Variants in LARP1B observed in about 807,000 individuals in gnomAD.
LARP1B encodes La ribonucleoprotein 1B.
Under a neutral mutation model 114.2 loss-of-function variants are expected in LARP1B, and 76 were observed. The ratio of observed to expected loss-of-function variants is 0.67; its 90% confidence interval spans 0.55 to 0.81. LARP1B has a LOEUF of 0.81. Among genes scored for constraint, LARP1B ranks in the 30% least tolerant of loss-of-function variants. The probability of loss-of-function intolerance (pLI) is 0.00; values close to 1 mark genes in which losing one functional copy is unlikely to be tolerated. For synonymous variants in LARP1B, 345 were observed against 348.0 expected (o/e 0.99, Z 0.10); for missense variants, 1,014 against 1,075.8 (o/e 0.94, Z 0.80).
chr4:128,122,332 A>G, intron 11 of LARP1B, 144 bp downstream of exon 11: 2 of 1,468,358 alleles, frequency 1.4e-6, no homozygotes, highest in Non-Finnish European at 9.0e-7. Context: ...TCCTGGAAAT[A>G]TACCTGATAA....
chr4:128,177,933 G>A (rs1205517681), intron 13 of LARP1B, among the ~76,000 whole-genome samples: 1 of 151,724 alleles, frequency 6.6e-6, no homozygotes, highest in Admixed American at 6.6e-5. Context: ...ATCTGCAGGA[G>A]AATGGATAAA....
intron 7 of LARP1B, among the ~76,000 whole-genome samples, chr4:128,221,076 A>AT (rs998519644): frequency 3.8e-4 from 57 of 151,156 alleles, no homozygotes; most frequent in Middle Eastern, 6.9e-3. Flanking sequence ...TTAAGACTGC[A>AT]TTTTTTTTTG....
intron 11 of LARP1B, among the ~76,000 whole-genome samples, chr4:128,149,142 G>GT (rs1398440935): frequency 3.3e-5 from 5 of 152,158 alleles, no homozygotes; most frequent in Non-Finnish European, 7.3e-5. Context: ...CATTCATTGA[G>GT]TAGAATAGCA....
Position 128,114,743 on chromosome 4 carries a change from G to T in LARP1B, c.1161+1G>T, listed in dbSNP as rs994902410. ...TCAGCCAGCCCCAGTGAAATTGAGG[G>T]TAAGTTGTTACAGACTGAGTGAAGT... On this transcript the variant is annotated splice_donor_variant, in intron 10 of 19. Coordinates refer to ENST00000326639, the MANE Select transcript of LARP1B (RefSeq NM_018078.4). LOFTEE classifies it high-confidence loss of function. The T allele has an allele frequency of 2.5e-6, 4 of 1,613,672 alleles. No individual in the cohort carries two copies. The highest frequency in any genetic ancestry group is 3.4e-6 in the Non-Finnish European group (4 of 1,179,836).
chr4:128,195,728 G>T (rs1753838770), intron 15 of LARP1B, among the ~76,000 whole-genome samples: 1 of 152,112 alleles, frequency 6.6e-6, no homozygotes, highest in African/African-American at 2.4e-5. Context: ...TCTGAAATCG[G>T]CAACCTAGCT....
chr4:128,096,372 G>T (rs150710637), intron 7 of LARP1B, among the ~76,000 whole-genome samples: 2 of 152,136 alleles, frequency 1.3e-5, no homozygotes, highest in Non-Finnish European at 2.9e-5. Context: ...TTTCTCAAAG[G>T]CTATTATTAA....
At position 128,071,981 on chromosome 4, in the gene LARP1B, T is replaced by G. The variant is rs571000183; in HGVS notation, c.-77-2479T>G. ...AGGTCCCAGGGTTTAAGGATAACGT[T>G]TTATTATTTATTTATTTTTACTTTA... On this transcript the variant is annotated intron_variant, in intron 1 of 19. Transcript: ENST00000326639. 3.6e-5 allele frequency among the ~76,000 whole-genome samples: 5 copies of G among 137,014 alleles called. No homozygotes were observed. In the East Asian group the frequency reaches 1.0e-3, roughly 28 times the overall value. The allele number at this position is 137,014 out of a possible 152,430, so 89.9% of individuals were successfully genotyped here. A position where few individuals can be genotyped will look rare whatever the true frequency, so the allele number is the denominator to read the frequency against.
At position 128,146,704 on chromosome 4, in the gene LARP1B, G is replaced by A. The variant is rs993645896; in HGVS notation, c.1525-15490G>A. 2.6e-4 allele frequency among the ~76,000 whole-genome samples: 40 copies of A among 152,278 alleles called. 1 individual carries two copies. Among genetic ancestry groups the A allele is most frequent in the Admixed American group, 7.2e-4 (11 of 15,284 alleles). ...ATATTGGCAGTGTCCTATTAACATA[G>A]ATGGTAGTAGCATGTGGTGTTCATT... On this transcript the variant is annotated intron_variant, in intron 11 of 19. Coordinates refer to ENST00000326639, the MANE Select transcript of LARP1B (RefSeq NM_018078.4).
intron 15 of LARP1B, among the ~76,000 whole-genome samples, chr4:128,195,726 C>T (rs546659888): frequency 9.9e-5 from 15 of 152,136 alleles, no homozygotes; most frequent in African/African-American, 3.6e-4. Context: ...GATCTGAAAT[C>T]GGCAACCTAG....
chr4:128,134,300 T>G (rs59944017), intron 11 of LARP1B, among the ~76,000 whole-genome samples: 2 of 151,852 alleles, frequency 1.3e-5, no homozygotes, highest in African/African-American at 2.4e-5. Context: ...TGAAGCTGGC[T>G]GGGTAAATGA....
At chr4:128,127,975 A>T (rs1413549897) in intron 11 of LARP1B, among the ~76,000 whole-genome samples, 1 of 152,204 alleles carries the variant, frequency 6.6e-6, no homozygotes, top group African/African-American at 2.4e-5. Context: ...AGAAATAAAC[A>T]TGTCTATTTT....
At chr4:128,191,622 A>T (rs555339203) in intron 15 of LARP1B, among the ~76,000 whole-genome samples, 1 of 152,284 alleles carries the variant, frequency 6.6e-6, no homozygotes, top group Admixed American at 6.5e-5. Flanking sequence ...CTCATGGATC[A>T]TACCTCCTAC....
intron 4 of LARP1B, among the ~76,000 whole-genome samples, chr4:128,080,562 T>C (rs1769940067): frequency 6.6e-6 from 1 of 152,076 alleles, no homozygotes; most frequent in Admixed American, 6.6e-5. Context: ...CTAATATTTA[T>C]TTTTAAATTG....
At chr4:128,106,989 T>G (rs1782340161) in intron 8 of LARP1B, 150 bp from the exon 9 acceptor site, 1 of 611,158 alleles carries the variant, frequency 1.6e-6, no homozygotes, top group Non-Finnish European at 2.9e-6. Flanking sequence ...TTTTAAAACT[T>G]GTGTTCTATG....
At chr4:128,103,805 G>A (rs11098949) in intron 8 of LARP1B, among the ~76,000 whole-genome samples, 51,922 of 151,544 alleles carry the variant, frequency 0.34, 9,999 homozygotes, top group Middle Eastern at 0.45. Flanking sequence ...CAGGTGATCC[G>A]CCCGTCTCGG....
intron 9 of LARP1B, among the ~76,000 whole-genome samples, chr4:128,111,448 G>A (rs900433843): frequency 6.6e-6 from 1 of 151,848 alleles, no homozygotes; most frequent in Admixed American, 6.6e-5. Context: ...GCCTATAATC[G>A]CAGCGCTTTA....
At position 128,210,420 on chromosome 4, in the gene LARP1B, A is replaced by C. The variant is rs751680998; in HGVS notation, c.*367A>C. 1.3e-5 allele frequency: 13 copies of C among 1,039,376 alleles called. No homozygotes were observed. Among genetic ancestry groups the C allele is most frequent in the Non-Finnish European group, 1.5e-5 (13 of 861,382 alleles). The allele number at this position is 1,039,376 out of a possible 1,614,324, so 64.4% of individuals were successfully genotyped here. On this transcript the variant is annotated 3_prime_UTR_variant, in exon 20 of 20. Coordinates refer to ENST00000326639, the MANE Select transcript of LARP1B (RefSeq NM_018078.4). ...CAATACAAGGAATGCCTAACATTTC[A>C]GCTCATACTTCTTAAAGAAGATATA... is the stretch of plus-strand genomic sequence containing the variant.
At chr4:128,093,819 T>A (rs1347925536) in intron 7 of LARP1B, among the ~76,000 whole-genome samples, 1 of 149,038 alleles carries the variant, frequency 6.7e-6, no homozygotes, top group East Asian at 2.1e-4. Flanking sequence ...CAAGCAATTC[T>A]CCTGCCTCAG....
chr4:128,128,205 C>G (rs1790285460), intron 11 of LARP1B, among the ~76,000 whole-genome samples: 1 of 151,938 alleles, frequency 6.6e-6, no homozygotes, highest in African/African-American at 2.4e-5. Flanking sequence ...TCTTCATGAC[C>G]TTGGATTTGA....
Sources: gnomAD v4.1 joint callset for allele counts (sites outside exome capture counted in the v4.1 genomes callset) on GRCh38, gnomAD v4.1.1 for gene constraint, MANE v1.5 for transcripts, NCBI Gene and HGNC (gene_info 2026-07-23, HGNC 2026-07-21) for gene names.